The following KCNK2 variants were observed in gnomAD, a reference collection of about 807,000 sequenced individuals.
KCNK2 encodes the protein potassium channel subfamily K member 2.
A neutral mutation model predicts 40.5 loss-of-function variants in KCNK2; 21 were observed. The ratio of observed to expected loss-of-function variants is 0.52; its 90% CI spans 0.37 to 0.75. The LOEUF is 0.75. KCNK2 is among the 30% of genes least tolerant of loss of function. The pLI is 0.00. For missense variants in KCNK2, 399 were observed against 531.6 expected (o/e 0.75, Z 2.45); for synonymous variants, 191 against 202.2 (o/e 0.94, Z 0.47).
At chr1:215,033,450 G>C (rs1657275708) in intron 1 of KCNK2, among the ~76,000 whole-genome samples, 1 of 151,808 alleles carries the variant, frequency 6.6e-6, no homozygotes, top group Non-Finnish European at 1.5e-5. Context: ...TTTCTTGAAA[G>C]CCAGACATAA....
chr1:215,217,490 T>A (rs77099847), intron 6 of KCNK2, among the ~76,000 whole-genome samples: 2,248 of 152,260 alleles, frequency 0.015, 30 homozygotes, highest in Non-Finnish European at 0.027. Flanking sequence ...CTTGTTCTTT[T>A]CTCACATCTT....
At chr1:215,087,031 T>C (rs1336951353) in intron 2 of KCNK2, among the ~76,000 whole-genome samples, 1 of 152,244 alleles carries the variant, frequency 6.6e-6, no homozygotes, top group African/African-American at 2.4e-5. Context: ...GGGTTGGGGT[T>C]ACCACGCTGA....
chr1:215,030,127 T>C (rs1657134600), intron 1 of KCNK2, among the ~76,000 whole-genome samples: 1 of 152,332 alleles, frequency 6.6e-6, no homozygotes, highest in South Asian at 2.1e-4. Flanking sequence ...CTTATTGTTA[T>C]CTTAATTTGC....
intron 2 of KCNK2, among the ~76,000 whole-genome samples, chr1:215,119,852 G>A (rs967334196): frequency 3.3e-5 from 5 of 152,154 alleles, no homozygotes; most frequent in African/African-American, 1.2e-4. Flanking sequence ...CCCAGAAACA[G>A]TTCTCATGAA....
chr1:215,162,612 G>A (rs1330407955), intron 3 of KCNK2, among the ~76,000 whole-genome samples: 1 of 152,124 alleles, frequency 6.6e-6, no homozygotes, highest in Non-Finnish European at 1.5e-5. Flanking sequence ...GTGTAAAGAA[G>A]GGGTCCAGTT....
chr1:215,116,644 A>G (rs1660958390), intron 2 of KCNK2, among the ~76,000 whole-genome samples: 1 of 152,132 alleles, frequency 6.6e-6, no homozygotes, highest in African/African-American at 2.4e-5. Context: ...AAGGAAATAT[A>G]TCAGAAGGTA....
At chr1:215,007,153 A>G (rs1229067713) in intron 1 of KCNK2, among the ~76,000 whole-genome samples, 1 of 128,232 alleles carries the variant, frequency 7.8e-6, no homozygotes, top group Non-Finnish European at 1.6e-5. Context: ...GTGTATATAT[A>G]TATGTATGTA....
chr1:215,120,923 G>C (rs555728250), intron 2 of KCNK2, among the ~76,000 whole-genome samples: 1 of 151,274 alleles, frequency 6.6e-6, no homozygotes, highest in Non-Finnish European at 1.5e-5. Context: ...TTTTTTGTTT[G>C]CTTGTTGTCA....
At chr1:215,090,164 G>C (rs1307556224) in intron 2 of KCNK2, among the ~76,000 whole-genome samples, 1 of 152,104 alleles carries the variant, frequency 6.6e-6, no homozygotes, top group African/African-American at 2.4e-5. Flanking sequence ...ATTAACAATA[G>C]CCAAAATTTA....
chr1:215,184,066 C>G (rs762659843), intron 5 of KCNK2, among the ~76,000 whole-genome samples: 1 of 152,068 alleles, frequency 6.6e-6, no homozygotes, highest in Non-Finnish European at 1.5e-5. Context: ...CTAGATGTAC[C>G]AGTGTATATC....
At chr1:215,223,201 C>A (rs1039637364) in intron 6 of KCNK2, among the ~76,000 whole-genome samples, 5 of 109,826 alleles carry the variant, frequency 4.6e-5, no homozygotes, top group Non-Finnish European at 9.1e-5. Flanking sequence ...TTCCCCACAT[C>A]AAAAACAATG....
chr1:215,179,177 C>T (rs550141161), intron 5 of KCNK2, among the ~76,000 whole-genome samples: 128 of 151,862 alleles, frequency 8.4e-4, no homozygotes, highest in Non-Finnish European at 1.6e-3. Context: ...ATCTTTTGGA[C>T]TTCTGTGGGA....
chr1:215,137,493 C>CAGTT (rs1027980055), intron 3 of KCNK2, among the ~76,000 whole-genome samples: 2 of 152,126 alleles, frequency 1.3e-5, no homozygotes, highest in African/African-American at 2.4e-5. Context: ...TATTTACTAT[C>CAGTT]AGTTCCTTTA....
intron 4 of KCNK2, 89 bp downstream of exon 4, chr1:215,169,448 A>G: frequency 1.0e-6 from 1 of 1,003,538 alleles, no homozygotes; most frequent in East Asian, 2.7e-5. Context: ...ATACAATTAG[A>G]CATTCAATTA....
intron 2 of KCNK2, among the ~76,000 whole-genome samples, chr1:215,097,293 C>T (rs1660017726): frequency 6.6e-6 from 1 of 151,808 alleles, no homozygotes; most frequent in Non-Finnish European, 1.5e-5. Flanking sequence ...AATTGACAGC[C>T]ATGGTTTTGC....
intron 6 of KCNK2, among the ~76,000 whole-genome samples, chr1:215,219,753 G>A (rs1666098945): frequency 6.6e-6 from 1 of 152,046 alleles, no homozygotes; most frequent in Admixed American, 6.5e-5. Flanking sequence ...GTTTATTTAT[G>A]TGAATACAGA....
At chr1:215,064,016 G>A (rs796771566) in intron 1 of KCNK2, among the ~76,000 whole-genome samples, 5 of 152,188 alleles carry the variant, frequency 3.3e-5, no homozygotes, top group Admixed American at 6.5e-5. Context: ...GAGTTTAAAC[G>A]TAGGAAAAGT....
intron 3 of KCNK2, among the ~76,000 whole-genome samples, chr1:215,167,961 C>T (rs1663521805): frequency 6.6e-6 from 1 of 151,958 alleles, no homozygotes; most frequent in Non-Finnish European, 1.5e-5. Context: ...AAAATTTTTG[C>T]AATCTACCCA....
At chr1:215,064,764 G>A (rs1658481434) in intron 1 of KCNK2, among the ~76,000 whole-genome samples, 1 of 152,148 alleles carries the variant, frequency 6.6e-6, no homozygotes, top group Non-Finnish European at 1.5e-5. Flanking sequence ...TGACAGCACA[G>A]TTGTTTTGTA....
Sources: gnomAD v4.1 joint callset for allele counts (sites outside exome capture counted in the v4.1 genomes callset) on GRCh38, gnomAD v4.1.1 for gene constraint, MANE v1.5 for transcripts, NCBI Gene and HGNC (gene_info 2026-07-23, HGNC 2026-07-21) for gene names.